The following PLXNA4 variants were observed in gnomAD, a reference collection of about 807,000 sequenced individuals.
The protein encoded by PLXNA4 is plexin A4.
PLXNA4 carries 44 observed loss-of-function variants against 191.8 expected under a neutral mutation model. The observed-to-expected ratio is 0.23, with a 90% CI of 0.18 to 0.29. The LOEUF (loss-of-function observed/expected upper bound fraction) is 0.29, where lower values mean the gene tolerates loss of function less well. PLXNA4 is among the 10% of genes least tolerant of loss of function. The pLI is 1.00. For synonymous variants in PLXNA4, 1,082 were observed against 1,009.5 expected, an observed-to-expected ratio of 1.07 and a Z score of -1.36; for missense variants, 1,800 against 2,488.8, an observed-to-expected ratio of 0.72 and a Z score of 5.89.
chr7:132,583,146 G>A (rs1017216838), intron 2 of PLXNA4, among the ~76,000 whole-genome samples: 3 of 152,174 alleles, frequency 2.0e-5, no homozygotes, highest in Admixed American at 1.3e-4. Flanking sequence ...AAGTTGTGCC[G>A]AGTCCTGTTC....
At chr7:132,613,388 C>T (rs1340570307) in intron 2 of PLXNA4, among the ~76,000 whole-genome samples, 1 of 152,214 alleles carries the variant, frequency 6.6e-6, no homozygotes, top group African/African-American at 2.4e-5. Context: ...TCCTCCATAT[C>T]ACAGTTCATA....
At chr7:132,556,344 C>T (rs1800801782) in intron 1 of PLXNA4, among the ~76,000 whole-genome samples, 1 of 152,134 alleles carries the variant, frequency 6.6e-6, no homozygotes, top group African/African-American at 2.4e-5. Context: ...CCCCGGCACA[C>T]TAGTTGAGGC....
At chr7:132,601,489 A>T (rs1421795047) in intron 2 of PLXNA4, among the ~76,000 whole-genome samples, 2 of 152,210 alleles carry the variant, frequency 1.3e-5, no homozygotes, top group Non-Finnish European at 2.9e-5. Flanking sequence ...AAGGGAAAAG[A>T]TGTGTCTTTT....
chr7:132,266,734 C>T (rs758493774), intron 4 of PLXNA4, among the ~76,000 whole-genome samples: 2 of 152,216 alleles, frequency 1.3e-5, no homozygotes, highest in African/African-American at 2.4e-5. Context: ...GCATAAGCAT[C>T]GACCTGGCTG....
intron 3 of PLXNA4, among the ~76,000 whole-genome samples, chr7:132,428,477 C>A (rs538769435): frequency 3.3e-5 from 5 of 152,230 alleles, no homozygotes; most frequent in Non-Finnish European, 4.4e-5. Flanking sequence ...GGGAGCTCTA[C>A]CAGTGTCAGC....
intron 24 of PLXNA4, 103 bp from the exon 25 acceptor site, chr7:132,159,735 C>A: frequency 6.5e-7 from 1 of 1,536,522 alleles, no homozygotes. Context: ...GGCTCATCCT[C>A]TCCAGGATGG....
chr7:132,619,748 C>A (rs1803224788), intron 2 of PLXNA4, among the ~76,000 whole-genome samples: 1 of 152,250 alleles, frequency 6.6e-6, no homozygotes, highest in Non-Finnish European at 1.5e-5. Context: ...TATCAGACTA[C>A]TGGAACATAA....
At chr7:132,163,308 G>A (rs1434191062) in intron 24 of PLXNA4, among the ~76,000 whole-genome samples, 1 of 152,230 alleles carries the variant, frequency 6.6e-6, no homozygotes, top group African/African-American at 2.4e-5. Flanking sequence ...AAGCACTAGT[G>A]CATGAGTATG....
intron 1 of PLXNA4, among the ~76,000 whole-genome samples, chr7:132,548,616 C>CT (rs372139511): frequency 3.3e-4 from 50 of 152,304 alleles, no homozygotes; most frequent in African/African-American, 1.0e-3. Flanking sequence ...CCCAACGTAG[C>CT]TTTTAAACCT....
At position 132,329,593 on chromosome 7, in the gene PLXNA4, C is replaced by T. The variant is rs116743690; in HGVS notation, c.1372-31371G>A. 2.6e-3 allele frequency among the ~76,000 whole-genome samples: 403 copies of T among 152,304 alleles called. 3 individuals carry two copies. Among genetic ancestry groups the T allele is most frequent in the African/African-American group, 9.2e-3 (383 of 41,570 alleles). ...CTGGCAGCCAATTCCAGCTGCTTTT[C>T]CTCATCTGCATCATGGGCCTCCAGC... On this transcript the variant is annotated intron_variant, in intron 3 of 31. Coordinates refer to ENST00000321063, the MANE Select transcript of PLXNA4 (RefSeq NM_020911.2).
rs568828027 is a variant in PLXNA4, at chr7:132,380,009, C to T, written c.1372-81787G>A. Among the ~76,000 whole-genome samples the T allele has an allele frequency of 4.2e-4, 64 of 152,270 alleles. 1 individual carries two copies. The South Asian group carries it at 0.012, about 29-fold the overall frequency. On this transcript the variant is annotated intron_variant, in intron 3 of 31. Coordinates refer to ENST00000321063, the MANE Select transcript of PLXNA4 (RefSeq NM_020911.2). ...ACTGCCCCTGTACCTCATAATATAA[C>T]AGTGGCTTAATATAACAGAGGCAGG... is the stretch of plus-strand genomic sequence containing the variant.
intron 16 of PLXNA4, among the ~76,000 whole-genome samples, chr7:132,183,234 A>C (rs1796769624): frequency 6.6e-6 from 1 of 152,146 alleles, no homozygotes. Flanking sequence ...GTGCACACAC[A>C]GTGTAAGATT....
rs156961 is a variant in PLXNA4 at position 132,507,536 on chromosome 7, G to A, written c.1158C>T (p.Leu386=). 0.38 allele frequency: 618,236 copies of A among 1,613,058 alleles called. 119,982 individuals carry two copies. The highest frequency in any genetic ancestry group is 0.48 in the African/African-American group (35,929 of 74,958). The change falls in exon 2 of 32, where the codon CTC becomes CTT. Residue 386 remains leucine, a synonymous_variant. Coordinates refer to ENST00000321063, the MANE Select transcript of PLXNA4 (RefSeq NM_020911.2). ...TGCTGCAGGGGATGTCCTTCACCTT[G>A]AGCCAGGCCAGGTCCAGCGTGCCCT... The part of the protein sequence containing the change: ...RGEGTLDLAW[L]KVKDIPCSSA...
At chr7:132,549,984 A>G (rs1208509457) in intron 1 of PLXNA4, among the ~76,000 whole-genome samples, 1 of 152,182 alleles carries the variant, frequency 6.6e-6, no homozygotes, top group Non-Finnish European at 1.5e-5. Context: ...CTTTACAAGA[A>G]GGTGGAGGCT....
chr7:132,178,679 G>A (rs944338065), intron 20 of PLXNA4, among the ~76,000 whole-genome samples: 3 of 150,544 alleles, frequency 2.0e-5, no homozygotes, highest in African/African-American at 4.9e-5. Context: ...TGCCTGGCCT[G>A]CTTGCTTGTA....
At chr7:132,549,366 T>C (rs187430654) in intron 1 of PLXNA4, among the ~76,000 whole-genome samples, 73 of 152,182 alleles carry the variant, frequency 4.8e-4, no homozygotes, top group African/African-American at 1.6e-3. Flanking sequence ...TCGTACAAAA[T>C]ATTTATTAAC....
chr7:132,376,653 C>T (rs1013054753), intron 3 of PLXNA4, among the ~76,000 whole-genome samples: 1 of 152,198 alleles, frequency 6.6e-6, no homozygotes, highest in Admixed American at 6.5e-5. Context: ...GGAGAGAAGG[C>T]CTTCCCAGGC....
Position 132,125,002 on chromosome 7 carries a change from T to TAAAA in PLXNA4, c.*5473_*5476dup, listed in dbSNP as rs60177310. 4 of 151,630 alleles carry TAAAA rather than the reference T, an allele frequency of 2.6e-5. No individual in the cohort carries two copies. Among genetic ancestry groups the TAAAA allele is most frequent in the Admixed American group, 2.6e-4 (4 of 15,236 alleles). 9.4% of individuals were successfully genotyped at this position (151,630 alleles called of 1,614,324 possible). A position where few individuals can be genotyped will look rare whatever the true frequency, so the allele number is the denominator to read the frequency against. On this transcript the variant is annotated 3_prime_UTR_variant, in exon 32 of 32. Coordinates refer to ENST00000321063, the MANE Select transcript of PLXNA4 (RefSeq NM_020911.2). The stretch of plus-strand genomic sequence containing the variant: ...TTTAAAACTTGGATACTCCCTCTAA[T>TAAAA]AAAATAATTTTATGGGGGAGCAAAA...
At chr7:132,617,441 A>T (rs1202448252) in intron 2 of PLXNA4, among the ~76,000 whole-genome samples, 2 of 152,224 alleles carry the variant, frequency 1.3e-5, no homozygotes, top group Non-Finnish European at 2.9e-5. Context: ...CAAGCCAGAG[A>T]GTGAAAAATG....
Sources: allele counts gnomAD v4.1 joint callset (sites outside exome capture counted in the v4.1 genomes callset), GRCh38; gene constraint gnomAD v4.1.1; transcripts MANE v1.5; gene names NCBI Gene and HGNC (gene_info 2026-07-23, HGNC 2026-07-21).